Variants in TSHZ2 observed in about 807,000 individuals in gnomAD.
TSHZ2 encodes teashirt homolog 2.
Under a neutral mutation model 74.4 loss-of-function variants are expected in TSHZ2, and 21 were observed. The observed-to-expected ratio is 0.28, with a 90% CI of 0.20 to 0.41. The LOEUF is 0.41. Ranked by LOEUF, TSHZ2 falls within the 10% of genes least tolerant of loss-of-function variation. The pLI is 1.00. For synonymous variants in TSHZ2, 540 were observed against 515.3 expected (o/e 1.05, Z -0.65); for missense variants, 1,244 against 1,293.5 (o/e 0.96, Z 0.59).
At chr20:53,033,990 T>G (rs1196412249) in intron 1 of TSHZ2, among the ~76,000 whole-genome samples, 1 of 152,174 alleles carries the variant, frequency 6.6e-6, no homozygotes, top group Non-Finnish European at 1.5e-5. Context: ...TAAGAGGATT[T>G]TGGCAGCCTT....
chr20:53,398,861 C>T (rs1446901181), intron 2 of TSHZ2: 1 of 152,138 alleles, frequency 6.6e-6, no homozygotes, highest in Non-Finnish European at 1.5e-5. Context: ...TCATGGGATT[C>T]CGGAAGATTA....
chr20:53,470,230 G>T (rs1985755767), intron 2 of TSHZ2, among the ~76,000 whole-genome samples: 1 of 152,096 alleles, frequency 6.6e-6, no homozygotes, highest in South Asian at 2.1e-4. Context: ...GCTGTGTCTG[G>T]CATATCAAAA....
intron 1 of TSHZ2, among the ~76,000 whole-genome samples, chr20:53,131,834 C>A (rs59621947): frequency 0.28 from 19,862 of 70,588 alleles, 2,924 homozygotes; most frequent in African/African-American, 0.45. Flanking sequence ...CCCCCCCCCC[C>A]AAAAAAAAAA....
chr20:53,127,166 A>G (rs1281373414), intron 1 of TSHZ2, among the ~76,000 whole-genome samples: 1 of 152,130 alleles, frequency 6.6e-6, no homozygotes, highest in Admixed American at 6.6e-5. Context: ...ATGAAGATGT[A>G]TTCATTCATT....
At chr20:53,286,457 A>G (rs909249713) in intron 2 of TSHZ2, among the ~76,000 whole-genome samples, 1 of 152,232 alleles carries the variant, frequency 6.6e-6, no homozygotes, top group Non-Finnish European at 1.5e-5. Context: ...TAGTAAGGGT[A>G]TGATGAAAAT....
intron 1 of TSHZ2, among the ~76,000 whole-genome samples, chr20:53,165,172 C>A (rs1412853478): frequency 1.3e-5 from 2 of 152,106 alleles, no homozygotes; most frequent in Admixed American, 6.5e-5. Flanking sequence ...ACAGCTAACA[C>A]TCATAGTGTG....
chr20:53,040,172 G>A (rs1229847475), intron 1 of TSHZ2, among the ~76,000 whole-genome samples: 1 of 152,202 alleles, frequency 6.6e-6, no homozygotes, highest in Non-Finnish European at 1.5e-5. Flanking sequence ...GTGGGGTAAA[G>A]CAATCAGCCC....
At chr20:53,380,818 G>A (rs1981829891) in intron 2 of TSHZ2, among the ~76,000 whole-genome samples, 1 of 152,154 alleles carries the variant, frequency 6.6e-6, no homozygotes, top group African/African-American at 2.4e-5. Flanking sequence ...TGGCAATTGT[G>A]TACATCTCAT....
chr20:53,221,006 A>C (rs1468737671), intron 1 of TSHZ2, among the ~76,000 whole-genome samples: 1 of 152,190 alleles, frequency 6.6e-6, no homozygotes, highest in African/African-American at 2.4e-5. Flanking sequence ...TGAATTTCCC[A>C]TAATTCCCAC....
intron 1 of TSHZ2, among the ~76,000 whole-genome samples, chr20:53,000,294 G>A (rs192818838): frequency 1.3e-5 from 2 of 152,224 alleles, no homozygotes; most frequent in East Asian, 3.9e-4. Flanking sequence ...CTTAAATTTT[G>A]TCTCTTGGCC....
intron 2 of TSHZ2, among the ~76,000 whole-genome samples, chr20:53,415,809 C>T (rs1365527882): frequency 1.7e-4 from 11 of 63,460 alleles, no homozygotes; most frequent in African/African-American, 6.9e-4. Flanking sequence ...TACACACACA[C>T]ACACACACAC....
At chr20:53,186,074 G>T (rs1988590244) in intron 1 of TSHZ2, among the ~76,000 whole-genome samples, 1 of 152,082 alleles carries the variant, frequency 6.6e-6, no homozygotes, top group Admixed American at 6.5e-5. Flanking sequence ...ACATTGATTT[G>T]GCTTCTCCCT....
intron 1 of TSHZ2, chr20:53,196,642 TA>T (rs1246905554): frequency 1.3e-5 from 2 of 152,226 alleles, no homozygotes; most frequent in Non-Finnish European, 2.9e-5. Context: ...CGGAAGCATT[TA>T]GAATGGTGAA....
intron 2 of TSHZ2, among the ~76,000 whole-genome samples, chr20:53,296,877 C>T (rs1991390171): frequency 6.6e-6 from 1 of 152,178 alleles, no homozygotes; most frequent in Admixed American, 6.5e-5. Flanking sequence ...GACGCCATCA[C>T]AAAATGGACT....
At chr20:53,113,416 A>G (rs1328667033) in intron 1 of TSHZ2, among the ~76,000 whole-genome samples, 3 of 152,166 alleles carry the variant, frequency 2.0e-5, no homozygotes, top group Non-Finnish European at 2.9e-5. Flanking sequence ...TATTAAACCC[A>G]TTTATTTATT....
chr20:53,372,371 G>A lies in TSHZ2; in HGVS notation c.*9-114773G>A, dbSNP rs574524062. On this transcript the variant is annotated intron_variant, in intron 2 of 2. Coordinates refer to ENST00000371497, the MANE Select transcript of TSHZ2 (RefSeq NM_173485.6). ...ACGCACCTGTAGTCCCAGCCACTCG[G>A]GAGGCTGAGATAGGAAAATCGCCTG... Among the ~76,000 whole-genome samples, 11 of 152,254 alleles carry A rather than the reference G, an allele frequency of 7.2e-5. 1 individual carries two copies. The South Asian group carries it at 2.3e-3, about 32-fold the overall frequency.
At chr20:53,011,963 G>A (rs1004989870) in intron 1 of TSHZ2, among the ~76,000 whole-genome samples, 2 of 152,150 alleles carry the variant, frequency 1.3e-5, no homozygotes, top group African/African-American at 4.8e-5. Context: ...CCACATTACA[G>A]ATGAGAAAAG....
intron 1 of TSHZ2, among the ~76,000 whole-genome samples, chr20:53,017,867 C>G (rs1233193856): frequency 6.6e-6 from 1 of 152,200 alleles, no homozygotes; most frequent in African/African-American, 2.4e-5. Flanking sequence ...TAACATGTCT[C>G]TCTTTCACAA....
intron 1 of TSHZ2, among the ~76,000 whole-genome samples, chr20:53,021,108 A>G (rs975793112): frequency 2.0e-5 from 3 of 152,218 alleles, no homozygotes; most frequent in African/African-American, 7.2e-5. Context: ...TGGCAGTTTA[A>G]CACACATTTA....
Sources: gnomAD v4.1 joint callset for allele counts (sites outside exome capture counted in the v4.1 genomes callset) on GRCh38, gnomAD v4.1.1 for gene constraint, MANE v1.5 for transcripts, NCBI Gene and HGNC (gene_info 2026-07-23, HGNC 2026-07-21) for gene names.